Variants in PTPRO observed in about 807,000 individuals in gnomAD.
PTPRO encodes protein tyrosine phosphatase receptor type O, also known as receptor-type tyrosine-protein phosphatase O.
PTPRO carries 62 observed loss-of-function variants against 145.2 expected under a neutral mutation model. That is an observed-to-expected ratio of 0.43 (90% CI 0.35 to 0.53). PTPRO has a LOEUF of 0.53. Among genes scored for constraint, PTPRO ranks in the 20% least tolerant of loss-of-function variants. The probability of loss-of-function intolerance (pLI) is 0.01; values close to 1 mark genes in which losing one functional copy is unlikely to be tolerated. For synonymous variants in PTPRO, 565 were observed against 514.7 expected, an observed-to-expected ratio of 1.10 and a Z score of -1.32; for missense variants, 1,345 against 1,482.7, an observed-to-expected ratio of 0.91 and a Z score of 1.53.
rs11056511 is a variant in PTPRO at position 15,473,878 on chromosome 12, C to T, written c.76-10096C>T. 9.3e-3 allele frequency among the ~76,000 whole-genome samples: 1,401 copies of T among 151,162 alleles called. 58 individuals are homozygous for T. In the East Asian group the frequency reaches 0.14, roughly 15 times the overall value. Reference sequence around the variant, plus strand: ...TGAGTTCATAGTGTTAGCATTTTTACGAAAGACATTTTATGCTCACAAAAA... The same window carrying T: ...TGAGTTCATAGTGTTAGCATTTTTATGAAAGACATTTTATGCTCACAAAAA... On this transcript the variant is annotated intron_variant, in intron 1 of 26. Coordinates refer to ENST00000281171, the MANE Select transcript of PTPRO (RefSeq NM_030667.3).
chr12:15,558,929 A>G (rs1943706349), intron 16 of PTPRO, among the ~76,000 whole-genome samples: 1 of 152,230 alleles, frequency 6.6e-6, no homozygotes, highest in Non-Finnish European at 1.5e-5. Context: ...GTGAAGAAAA[A>G]GAAATCCATC....
intron 23 of PTPRO, among the ~76,000 whole-genome samples, chr12:15,582,251 C>T (rs1394058488): frequency 2.0e-5 from 3 of 152,234 alleles, no homozygotes; most frequent in African/African-American, 4.8e-5. Context: ...AAGGCCATCA[C>T]GAGCATGTCA....
intron 13 of PTPRO, 99 bp downstream of exon 13, chr12:15,546,807 G>A: frequency 1.3e-6 from 2 of 1,509,640 alleles, no homozygotes; most frequent in South Asian, 2.3e-5. Flanking sequence ...TATATAAAAT[G>A]AAAACTGTTT....
At chr12:15,492,938 C>T (rs1461035) in intron 2 of PTPRO, among the ~76,000 whole-genome samples, 79,637 of 151,926 alleles carry the variant, frequency 0.52, 22,070 homozygotes, top group Middle Eastern at 0.67. Context: ...TGAAAAATGA[C>T]ATGAATTCAC....
chr12:15,557,969 C>A (rs376242790), intron 16 of PTPRO, among the ~76,000 whole-genome samples: 6 of 151,998 alleles, frequency 3.9e-5, no homozygotes, highest in African/African-American at 1.5e-4. Flanking sequence ...GAATCTCCCT[C>A]TTTCGTCACC....
intron 12 of PTPRO, among the ~76,000 whole-genome samples, chr12:15,546,179 G>A (rs73066681): frequency 0.047 from 7,206 of 152,148 alleles, 243 homozygotes; most frequent in Non-Finnish European, 0.079. Flanking sequence ...TTAGAAGGAA[G>A]CACACCAAAT....
chr12:15,481,216 A>G (rs1442446335), intron 1 of PTPRO, among the ~76,000 whole-genome samples: 1 of 152,190 alleles, frequency 6.6e-6, no homozygotes, highest in Non-Finnish European at 1.5e-5. Flanking sequence ...ACCACTGGCA[A>G]TATAGCATGG....
intron 23 of PTPRO, among the ~76,000 whole-genome samples, chr12:15,585,529 A>G (rs1206971827): frequency 6.6e-6 from 1 of 152,192 alleles, no homozygotes; most frequent in African/African-American, 2.4e-5. Context: ...GTATATTTAA[A>G]CAAATCTTAC....
chr12:15,445,355 A>AATCTAGGGT (rs1372618143), intron 1 of PTPRO, among the ~76,000 whole-genome samples: 3 of 152,154 alleles, frequency 2.0e-5, no homozygotes, highest in Admixed American at 2.0e-4. Flanking sequence ...TTTATATTTC[A>AATCTAGGGT]ATCTAGGGTC....
At chr12:15,356,715 A>C (rs958754924) in intron 1 of PTPRO, among the ~76,000 whole-genome samples, 5 of 152,170 alleles carry the variant, frequency 3.3e-5, no homozygotes, top group Non-Finnish European at 5.9e-5. Context: ...CTTTCTGAAA[A>C]TCAGTTCATT....
At chr12:15,524,440 CCT>C (rs1169214962) in intron 10 of PTPRO, among the ~76,000 whole-genome samples, 1 of 152,072 alleles carries the variant, frequency 6.6e-6, no homozygotes, top group Non-Finnish European at 1.5e-5. Context: ...GTTTTTTAAT[CCT>C]ACTTGGCTAA....
intron 10 of PTPRO, among the ~76,000 whole-genome samples, chr12:15,521,419 A>G (rs1329162466): frequency 6.6e-6 from 1 of 152,210 alleles, no homozygotes; most frequent in Non-Finnish European, 1.5e-5. Flanking sequence ...AAGCGCTGTT[A>G]GTCTTTTGCC....
intron 1 of PTPRO, among the ~76,000 whole-genome samples, chr12:15,399,168 T>C (rs938410793): frequency 1.3e-5 from 2 of 152,224 alleles, no homozygotes; most frequent in Non-Finnish European, 2.9e-5. Flanking sequence ...TCCTATTGCA[T>C]ATTTCACAGG....
At chr12:15,584,903 G>A (rs774828619) in intron 23 of PTPRO, among the ~76,000 whole-genome samples, 1 of 152,134 alleles carries the variant, frequency 6.6e-6, no homozygotes, top group Non-Finnish European at 1.5e-5. Context: ...TAACAAGAAA[G>A]GAGAGAAATG....
In PTPRO at chr12:15,557,573, G is replaced by A. The variant is rs1359488554; in HGVS notation, c.2627+50G>A. 5 of 1,537,056 alleles carry A rather than the reference G, an allele frequency of 3.3e-6. No homozygotes were observed. The South Asian group carries it at 4.5e-5, about 14-fold the overall frequency. The stretch of plus-strand genomic sequence containing the variant: ...TCTACATAGTTTAACTATGCTGTGT[G>A]TGCTCCAAAGTCGATTTTACTATCC... On this transcript the variant is annotated intron_variant, in intron 16 of 26. Coordinates refer to ENST00000281171, the MANE Select transcript of PTPRO (RefSeq NM_030667.3).
At chr12:15,515,417 T>A (rs1942556001) in intron 7 of PTPRO, 81 bp from the exon 8 acceptor site, 3 of 1,555,670 alleles carry the variant, frequency 1.9e-6, no homozygotes, top group Non-Finnish European at 2.7e-6. Flanking sequence ...CCAAAAAGAG[T>A]CTCTGAATAT....
chr12:15,509,483 G>A (rs1322828756), intron 7 of PTPRO, among the ~76,000 whole-genome samples: 4 of 151,824 alleles, frequency 2.6e-5, no homozygotes, highest in South Asian at 2.1e-4. Flanking sequence ...GATCACCTGA[G>A]GTCAGGAGTT....
At position 15,505,100 on chromosome 12, in the gene PTPRO, TA is replaced by T. The variant is rs1296344475; in HGVS notation, c.1267+1033del. On this transcript the variant is annotated intron_variant, in intron 6 of 26. Transcript: ENST00000281171. ...AAAGTCGAGTATTTCATTCTTCCCA[TA>T]AGACTAAAAATGCCTCACTTACCAA... 5.3e-5 allele frequency among the ~76,000 whole-genome samples: 8 copies of T among 152,146 alleles called. No homozygotes were observed. In the East Asian group the frequency reaches 1.4e-3, roughly 26 times the overall value.
rs1943740448 is a variant in PTPRO at position 15,560,307 on chromosome 12, A to C, written c.2711+31A>C. 4.8e-6 allele frequency: 7 copies of C among 1,471,804 alleles called. No homozygotes were observed. The East Asian group carries it at 1.6e-4, about 33-fold the overall frequency. 91.2% of individuals were successfully genotyped at this position (1,471,804 alleles called of 1,614,324 possible). ...TGATTTTTTTTTACTGTTTAACACA[A>C]ACTCTTTAAAAGTTAGCTTTCAAGA... On this transcript the variant is annotated intron_variant, in intron 17 of 26. Transcript: ENST00000281171.
Sources: gnomAD v4.1 joint callset for allele counts (sites outside exome capture counted in the v4.1 genomes callset) on GRCh38, gnomAD v4.1.1 for gene constraint, MANE v1.5 for transcripts, NCBI Gene and HGNC (gene_info 2026-07-23, HGNC 2026-07-21) for gene names.